Variants in ZNF365 observed in about 807,000 individuals in gnomAD.
ZNF365 encodes zinc finger protein 365, also known as protein ZNF365.
A neutral mutation model predicts 35.0 loss-of-function variants in ZNF365; 22 were observed. The ratio of observed to expected loss-of-function variants is 0.63; its 90% CI spans 0.45 to 0.90. The LOEUF (loss-of-function observed/expected upper bound fraction) is 0.90. Ranked by LOEUF, ZNF365 falls within the 40% of genes least tolerant of loss-of-function variation. The pLI is 0.00. For synonymous variants in ZNF365, 188 were observed against 196.2 expected (o/e 0.96, Z 0.35); for missense variants, 448 against 500.3 (o/e 0.90, Z 1.00).
intron 4 of ZNF365, among the ~76,000 whole-genome samples, chr10:62,463,938 A>T (rs1006742777): frequency 6.6e-6 from 1 of 152,198 alleles, no homozygotes; most frequent in East Asian, 1.9e-4. Context: ...GCATTTTGGG[A>T]TCACTTTAAA....
intron 3 of ZNF365, among the ~76,000 whole-genome samples, chr10:62,409,213 A>T (rs116576758): frequency 0.012 from 1,874 of 152,272 alleles, 51 homozygotes; most frequent in African/African-American, 0.043. Context: ...TGGTGATGGA[A>T]GAGAGTGGAG....
intron 3 of ZNF365, among the ~76,000 whole-genome samples, chr10:62,451,449 G>GGAGGGT (rs1279180416): frequency 6.6e-6 from 1 of 152,080 alleles, no homozygotes; most frequent in Admixed American, 6.5e-5. Flanking sequence ...CTTGTTCTGT[G>GGAGGGT]GAGGGTGAGG....
intron 3 of ZNF365, among the ~76,000 whole-genome samples, chr10:62,391,948 A>C (rs1200332914): frequency 6.6e-6 from 1 of 152,242 alleles, no homozygotes; most frequent in Admixed American, 6.5e-5. Context: ...CCATTCTTGC[A>C]GGAGCAAGGT....
At chr10:62,455,979 T>C (rs1312558921) in intron 3 of ZNF365, among the ~76,000 whole-genome samples, 1 of 152,170 alleles carries the variant, frequency 6.6e-6, no homozygotes, top group African/African-American at 2.4e-5. Context: ...TGTTGTTTGA[T>C]TCATTGACTT....
chr10:62,428,947 A>G (rs529634820), intron 3 of ZNF365, among the ~76,000 whole-genome samples: 1 of 152,296 alleles, frequency 6.6e-6, no homozygotes, highest in Non-Finnish European at 1.5e-5. Flanking sequence ...ACTGTGGCCA[A>G]TTTCAGGCTA....
intron 4 of ZNF365, among the ~76,000 whole-genome samples, chr10:62,468,493 A>T (rs1840980650): frequency 6.6e-6 from 1 of 152,226 alleles, no homozygotes; most frequent in African/African-American, 2.4e-5. Context: ...AAGAGCCCCT[A>T]TCAGAGCAAC....
At chr10:62,409,456 G>A (rs1839953758) in intron 3 of ZNF365, among the ~76,000 whole-genome samples, 1 of 152,116 alleles carries the variant, frequency 6.6e-6, no homozygotes, top group Admixed American at 6.5e-5. Context: ...CTGCAACTAA[G>A]AACCCTGATG....
At chr10:62,470,918 C>T (rs1841022801) in intron 4 of ZNF365, among the ~76,000 whole-genome samples, 1 of 150,914 alleles carries the variant, frequency 6.6e-6, no homozygotes, top group Admixed American at 6.6e-5. Context: ...TTTATAATTT[C>T]ATTAACATGG....
intron 3 of ZNF365, among the ~76,000 whole-genome samples, chr10:62,393,972 G>A (rs912931661): frequency 2.0e-5 from 3 of 152,112 alleles, no homozygotes; most frequent in East Asian, 3.9e-4. Flanking sequence ...TATAGTACTC[G>A]AAATTCTGCT....
intron 4 of ZNF365, among the ~76,000 whole-genome samples, chr10:62,474,100 G>A (rs1216425100): frequency 2.0e-5 from 3 of 152,194 alleles, no homozygotes; most frequent in Non-Finnish European, 2.9e-5. Context: ...AACAAGTAGA[G>A]TGTTCCCAGA....
chr10:62,409,086 C>T (rs1839947376), intron 3 of ZNF365, among the ~76,000 whole-genome samples: 1 of 152,160 alleles, frequency 6.6e-6, no homozygotes, highest in African/African-American at 2.4e-5. Flanking sequence ...GCCACATGCT[C>T]ATTTTCCTAG....
chr10:62,378,351 CTTAT>C (rs1279163773), intron 2 of ZNF365, among the ~76,000 whole-genome samples: 1 of 152,124 alleles, frequency 6.6e-6, no homozygotes, highest in Non-Finnish European at 1.5e-5. Context: ...ATTTTTTGAA[CTTAT>C]TTATTTGTTG....
chr10:62,377,442 T>C (rs1839356188), intron 2 of ZNF365, among the ~76,000 whole-genome samples: 1 of 152,232 alleles, frequency 6.6e-6, no homozygotes, highest in Admixed American at 6.5e-5. Context: ...TGTTAGTAGC[T>C]GAGAATCCAT....
downstream of ZNF365, among the ~76,000 whole-genome samples, chr10:62,407,113 C>T (rs1424266000): frequency 1.3e-5 from 2 of 152,248 alleles, no homozygotes; most frequent in Admixed American, 1.3e-4. Flanking sequence ...AACTGGCTGT[C>T]ACTCCTCTTA....
At chr10:62,421,518 T>C (rs2132448098) in intron 3 of ZNF365, among the ~76,000 whole-genome samples, 1 of 152,294 alleles carries the variant, frequency 6.6e-6, no homozygotes, top group South Asian at 2.1e-4. Context: ...CCGTATCACG[T>C]AAAGCCAGGA....
At chr10:62,419,519 G>A (rs1293845210) in intron 3 of ZNF365, among the ~76,000 whole-genome samples, 2 of 151,678 alleles carry the variant, frequency 1.3e-5, no homozygotes, top group Non-Finnish European at 2.9e-5. Flanking sequence ...AGGACGGGGT[G>A]GGCTTATACA....
chr10:62,388,646 A>T, intron 3 of ZNF365, 70 bp downstream of exon 3: 5 of 1,562,212 alleles, frequency 3.2e-6, no homozygotes, highest in Non-Finnish European at 3.5e-6. Flanking sequence ...GAGGACAGAG[A>T]AAAGGGAGCT....
chr10:62,469,183 T>C (rs532021545), intron 4 of ZNF365, among the ~76,000 whole-genome samples: 1 of 152,340 alleles, frequency 6.6e-6, no homozygotes, highest in East Asian at 1.9e-4. Flanking sequence ...TAGACTGTTT[T>C]GAGCACTTTA....
intron 3 of ZNF365, among the ~76,000 whole-genome samples, chr10:62,447,324 A>G (rs569346178): frequency 6.6e-6 from 1 of 152,252 alleles, no homozygotes; most frequent in Admixed American, 6.5e-5. Context: ...TTTGTTTTTT[A>G]TTGTGGAATC....
Sources: allele counts gnomAD v4.1 joint callset (sites outside exome capture counted in the v4.1 genomes callset), GRCh38; gene constraint gnomAD v4.1.1; transcripts MANE v1.5; gene names NCBI Gene and HGNC (gene_info 2026-07-23, HGNC 2026-07-21).